TM9SF3: variants seen among roughly 807,000 people sequenced by gnomAD.
TM9SF3 encodes SM-11044-binding protein.
TM9SF3 carries 14 observed loss-of-function variants against 78.6 expected under a neutral mutation model. That is an observed-to-expected ratio of 0.18 (90% CI 0.12 to 0.28). TM9SF3 has a LOEUF of 0.28. Among genes scored for constraint, TM9SF3 ranks in the 10% least tolerant of loss-of-function variants. TM9SF3 has a pLI of 1.00. For missense variants in TM9SF3, 496 were observed against 721.9 expected (o/e 0.69, Z 3.59); for synonymous variants, 231 against 241.7 (o/e 0.96, Z 0.41).
chr10:96,543,344 C>CTTTTTTTTTTTT (rs398014526), intron 9 of TM9SF3, among the ~76,000 whole-genome samples: 13,298 of 136,646 alleles, frequency 0.097, 1,025 homozygotes, highest in Non-Finnish European at 0.14. Flanking sequence ...TAGTGAGATT[C>CTTTTTTTTTTTT]TTTTTTTTGA....
At chr10:96,553,367 A>G (rs192523722) in intron 5 of TM9SF3, among the ~76,000 whole-genome samples, 57 of 152,332 alleles carry the variant, frequency 3.7e-4, no homozygotes, top group African/African-American at 1.3e-3. Context: ...TCAGCATTAC[A>G]TGGAAAAAAC....
chr10:96,538,609 A>C (rs1406687050), intron 9 of TM9SF3, among the ~76,000 whole-genome samples: 3 of 152,214 alleles, frequency 2.0e-5, no homozygotes, highest in Non-Finnish European at 4.4e-5. Flanking sequence ...CCCACAAAAT[A>C]GGAGTATATA....
intron 1 of TM9SF3, among the ~76,000 whole-genome samples, chr10:96,580,544 G>A (rs4917741): frequency 0.99 from 150,211 of 152,198 alleles, 74,165 homozygotes; most frequent in Middle Eastern, 1. Flanking sequence ...GGGATTACAG[G>A]CGTGAGCCAC....
intron 4 of TM9SF3, among the ~76,000 whole-genome samples, chr10:96,561,250 TAATA>T (rs1174075165): frequency 1.1e-5 from 1 of 94,010 alleles, no homozygotes; most frequent in Non-Finnish European, 2.7e-5. Flanking sequence ...TTTGAATGAA[TAATA>T]AAAAAAAATC....
At chr10:96,528,687 G>C (rs1417989080) in intron 11 of TM9SF3, among the ~76,000 whole-genome samples, 1 of 152,056 alleles carries the variant, frequency 6.6e-6, no homozygotes, top group Non-Finnish European at 1.5e-5. Flanking sequence ...TTTTAATTAA[G>C]AAAAAGATCT....
At chr10:96,581,921 C>G (rs1428149514) in intron 1 of TM9SF3, among the ~76,000 whole-genome samples, 1 of 152,118 alleles carries the variant, frequency 6.6e-6, no homozygotes, top group African/African-American at 2.4e-5. Context: ...GAATTTTAGC[C>G]TAGGTAGGAC....
chr10:96,525,261 T>C (rs1256499701), intron 14 of TM9SF3, among the ~76,000 whole-genome samples: 1 of 152,030 alleles, frequency 6.6e-6, no homozygotes, highest in Non-Finnish European at 1.5e-5. Flanking sequence ...AGAATAGGGA[T>C]GTTTCCACCT....
intron 5 of TM9SF3, among the ~76,000 whole-genome samples, chr10:96,555,273 T>C (rs574538352): frequency 1.2e-4 from 18 of 152,156 alleles, no homozygotes; most frequent in Non-Finnish European, 2.4e-4. Context: ...GCCTTATCCC[T>C]CTTCAAGAAT....
intron 2 of TM9SF3, among the ~76,000 whole-genome samples, chr10:96,570,123 C>G (rs1219374854): frequency 6.6e-6 from 1 of 152,164 alleles, no homozygotes; most frequent in South Asian, 2.1e-4. Context: ...GGGACAAGCT[C>G]ATAAAATGTC....
At chr10:96,580,075 C>T (rs567188593) in intron 1 of TM9SF3, among the ~76,000 whole-genome samples, 5 of 152,140 alleles carry the variant, frequency 3.3e-5, no homozygotes, top group Non-Finnish European at 7.4e-5. Flanking sequence ...TCCCTAAGCA[C>T]GATAATAATC....
chr10:96,530,697 A>T (rs1354873272), intron 10 of TM9SF3, 89 bp from the exon 11 acceptor site: 6 of 1,196,430 alleles, frequency 5.0e-6, no homozygotes, highest in African/African-American at 3.1e-5. Flanking sequence ...CTTGACACTT[A>T]AAAAATCATC....
At chr10:96,579,259 A>C (rs984909906) in intron 1 of TM9SF3, among the ~76,000 whole-genome samples, 2 of 152,230 alleles carry the variant, frequency 1.3e-5, no homozygotes, top group Admixed American at 1.3e-4. Context: ...GGGAGGTAAC[A>C]TAATTCATCT....
intron 9 of TM9SF3, among the ~76,000 whole-genome samples, chr10:96,534,160 A>G (rs1442850723): frequency 1.3e-5 from 2 of 152,206 alleles, no homozygotes; most frequent in African/African-American, 2.4e-5. Context: ...CTTTGAACCA[A>G]TATTAGTAAA....
intron 9 of TM9SF3, among the ~76,000 whole-genome samples, chr10:96,537,726 G>A (rs947902694): frequency 6.6e-6 from 1 of 152,146 alleles, no homozygotes; most frequent in Non-Finnish European, 1.5e-5. Context: ...TAGCTACTGG[G>A]GAGGCTGAGG....
intron 2 of TM9SF3, among the ~76,000 whole-genome samples, chr10:96,568,629 CTTTG>C (rs1848405173): frequency 6.6e-6 from 1 of 152,136 alleles, no homozygotes; most frequent in Non-Finnish European, 1.5e-5. Context: ...GTATGCCATA[CTTTG>C]TTTACTTTCT....
intron 2 of TM9SF3, among the ~76,000 whole-genome samples, chr10:96,573,551 A>G (rs941759071): frequency 5.9e-5 from 9 of 152,196 alleles, no homozygotes; most frequent in Admixed American, 5.9e-4. Context: ...ACACTTGGCT[A>G]GCTCTTCTTT....
rs542587022 is a variant in TM9SF3, at chr10:96,525,523, T to C, written c.1702+1690A>G. 7.2e-5 allele frequency among the ~76,000 whole-genome samples: 11 copies of C among 152,148 alleles called. No individual in the cohort carries two copies. In the South Asian group the frequency reaches 2.3e-3, roughly 32 times the overall value. On this transcript the variant is annotated intron_variant, in intron 14 of 14. Coordinates refer to ENST00000371142, the MANE Select transcript of TM9SF3 (RefSeq NM_020123.4). ...CTTTTGATGGAGAAACAAAGCAATC[T>C]TGGTACCCCAAAGGTGTCCATAAAT...
intron 4 of TM9SF3, chr10:96,560,501 A>G: frequency 5.4e-6 from 4 of 747,594 alleles, no homozygotes; most frequent in South Asian, 4.0e-5. Context: ...AGTGTGGTTC[A>G]GGGCCAGTGT....
intron 2 of TM9SF3, among the ~76,000 whole-genome samples, chr10:96,569,024 C>T (rs556864056): frequency 2.0e-4 from 31 of 152,144 alleles, no homozygotes; most frequent in African/African-American, 7.2e-4. Flanking sequence ...CTCATCTTTA[C>T]AAAAACCAGA....
Sources: allele counts gnomAD v4.1 joint callset (sites outside exome capture counted in the v4.1 genomes callset), GRCh38; gene constraint gnomAD v4.1.1; transcripts MANE v1.5; gene names NCBI Gene and HGNC (gene_info 2026-07-23, HGNC 2026-07-21).